SBNO2: variants seen among roughly 807,000 people sequenced by gnomAD.
SBNO2 encodes the protein protein strawberry notch homolog 2.
A neutral mutation model predicts 146.3 loss-of-function variants in SBNO2; 89 were observed. The observed-to-expected ratio is 0.61, with a 90% confidence interval of 0.51 to 0.73. The LOEUF is 0.73. SBNO2 is among the 30% of genes least tolerant of loss of function. The pLI is 0.00. For synonymous variants in SBNO2, 1,147 were observed against 892.6 expected (o/e 1.29, Z -5.08); for missense variants, 2,092 against 2,003.7 (o/e 1.04, Z -0.84).
chr19:1,133,870 G>C (rs1022002077), intron 4 of SBNO2, among the ~76,000 whole-genome samples: 23 of 152,218 alleles, frequency 1.5e-4, no homozygotes, highest in African/African-American at 5.5e-4. Context: ...TGCTGAGGAC[G>C]CGGGGCAGTG....
rs1268966248 is a variant in SBNO2 at position 1,158,884 on chromosome 19, C to T, written c.-126-4482G>A. Among the ~76,000 whole-genome samples the T allele has an allele frequency of 1.3e-5, 2 of 151,996 alleles. No homozygotes were observed. The highest frequency in any genetic ancestry group is 2.9e-5 in the Non-Finnish European group (2 of 67,984). ...CGTGATGGCCTCCTGCAGCTGTGAC[C>T]GCCGCCCCACAGCCGCGACCCCACC... is the stretch of plus-strand genomic sequence containing the variant. On this transcript the variant is annotated intron_variant, in intron 1 of 31. Transcript: ENST00000361757. This position sits in a 1 kb window ranked among gnomAD's most constrained non-coding sequence, Gnocchi z 9.9.
At chr19:1,116,200 G>T in intron 16 of SBNO2, 97 bp from the exon 17 acceptor site, 4 of 1,129,186 alleles carry the variant, frequency 3.5e-6, no homozygotes, top group East Asian at 4.8e-5. Flanking sequence ...CCCTGTGGGG[G>T]TCCCGGACAG....
rs551243734 is a variant in SBNO2, at chr19:1,160,386, C to T, written c.-126-5984G>A. ...CCCAGGCCTCGGGGGGTCTGCGGGGCGGCCTCACAGGAGGCCCAGTATTAC... is the reference window on the plus strand; with the variant it reads ...CCCAGGCCTCGGGGGGTCTGCGGGGTGGCCTCACAGGAGGCCCAGTATTAC... On this transcript the variant is annotated intron_variant, in intron 1 of 31. Coordinates refer to ENST00000361757, the MANE Select transcript of SBNO2 (RefSeq NM_014963.3). Among the ~76,000 whole-genome samples, 13 of 152,318 alleles carry T rather than the reference C, an allele frequency of 8.5e-5. No homozygotes were observed. In the South Asian group the frequency reaches 1.9e-3, roughly 22 times the overall value.
chr19:1,172,774 A>ACCC, intron 1 of SBNO2, among the ~76,000 whole-genome samples: 1 of 49,646 alleles, frequency 2.0e-5, no homozygotes, highest in Non-Finnish European at 3.2e-5. Context: ...CACTCACTGC[A>ACCC]ACCGCCCCCC....
intron 4 of SBNO2, among the ~76,000 whole-genome samples, chr19:1,139,519 G>A (rs1376250845): frequency 2.6e-5 from 4 of 152,174 alleles, no homozygotes; most frequent in Non-Finnish European, 5.9e-5. Context: ...AAGGGGCGGG[G>A]CGTGGTGGCT....
intron 1 of SBNO2, among the ~76,000 whole-genome samples, chr19:1,171,766 T>TG (rs72208617): frequency 0.017 from 2,592 of 151,902 alleles, 74 homozygotes; most frequent in African/African-American, 0.059. Context: ...AGCAAGTGGG[T>TG]GGGGGGTCTA....
At chr19:1,133,584 G>C (rs894574181) in intron 4 of SBNO2, among the ~76,000 whole-genome samples, 2 of 152,218 alleles carry the variant, frequency 1.3e-5, no homozygotes, top group African/African-American at 2.4e-5. Flanking sequence ...TCACCTCCTG[G>C]AGGCTGGGCG....
chr19:1,119,320 G>C (rs554202949), intron 13 of SBNO2, among the ~76,000 whole-genome samples, 156 bp from the exon 14 acceptor site: 2 of 152,182 alleles, frequency 1.3e-5, no homozygotes. Flanking sequence ...TGGCGGGGAC[G>C]GGGCAGGAAG....
Position 1,108,680 on chromosome 19 carries a change from A to G in SBNO2, c.3641T>C (p.Val1214Ala). The change falls in exon 32 of 32, where the codon GTG (valine) becomes GCG (alanine). Residue 1214 changes from valine (V) to alanine (A), a missense_variant. By Grantham distance (64) the Val-to-Ala change is moderately conservative (BLOSUM62 0). Transcript: ENST00000361757. ...CCGCAGCTCCTGCAGCACCCGGCGC[A>G]CGCAGCCCTCGGGGATCTTGATGCC... ...QVGIKIPEGC[V>A]RRVLQELRLM... 6.5e-7 allele frequency: 1 copy of G among 1,535,992 alleles called. No homozygotes were observed. Among genetic ancestry groups the G allele is most frequent in the Non-Finnish European group, 8.7e-7 (1 of 1,149,636 alleles).
intron 4 of SBNO2, among the ~76,000 whole-genome samples, chr19:1,129,564 G>A (rs1410747277): frequency 6.6e-6 from 1 of 152,148 alleles, no homozygotes; most frequent in Non-Finnish European, 1.5e-5. Flanking sequence ...GCCCCGATCG[G>A]CAGGGTTGGG....
At position 1,144,148 on chromosome 19, in the gene SBNO2, A is replaced by G. The variant is rs2080164686; in HGVS notation, c.279+3161T>C. On this transcript the variant is annotated intron_variant, in intron 4 of 31. Coordinates refer to ENST00000361757, the MANE Select transcript of SBNO2 (RefSeq NM_014963.3). The surrounding 1 kb of genome is among the most constrained non-coding windows in gnomAD (Gnocchi z 4.1). ...GGCTGACTCATACCCGTCCCGTCCC[A>G]CACTTGGCACCGCGGGACCACGCAT... Among the ~76,000 whole-genome samples, 2 of 152,088 alleles carry G rather than the reference A, an allele frequency of 1.3e-5. No homozygotes were observed. Among genetic ancestry groups the G allele is most frequent in the African/African-American group, 4.8e-5 (2 of 41,472 alleles).
Position 1,127,719 on chromosome 19 carries a change from G to A in SBNO2, c.326C>T (p.Ser109Leu), listed in dbSNP as rs372374062. ...GATGTCCGACAGGGAGTCCACGGAC[G>A]AGGAGAAGATGGAGATGTTGGAGAA... ...EDFSNISIFSSSVDSLSDIVD... is the reference protein window; with the variant it reads ...EDFSNISIFSLSVDSLSDIVD... Residue 109 changes from serine (S) to leucine (L), a missense_variant, in exon 5 of 32, where the codon TCG (serine) becomes TTG (leucine). Ser to Leu is a moderately radical substitution (Grantham distance 145). Transcript: ENST00000361757. 11 of 1,613,508 alleles carry A rather than the reference G, an allele frequency of 6.8e-6. No homozygotes were observed. The highest frequency in any genetic ancestry group is 1.7e-5 in the Admixed American group (1 of 59,998).
At chr19:1,151,914 C>T (rs1463612812) in intron 2 of SBNO2, among the ~76,000 whole-genome samples, 1 of 152,216 alleles carries the variant, frequency 6.6e-6, no homozygotes, top group Non-Finnish European at 1.5e-5. Flanking sequence ...GTGCCCACCT[C>T]GGCCTCCCAG....
chr19:1,127,021 A>G (rs1170726680), intron 5 of SBNO2, among the ~76,000 whole-genome samples: 1 of 152,126 alleles, frequency 6.6e-6, no homozygotes. Context: ...GCCCCCACGG[A>G]CAATGTCCAG....
At chr19:1,123,156 T>A (rs1415736245) in intron 7 of SBNO2, 111 bp from the exon 8 acceptor site, 1 of 1,274,700 alleles carries the variant, frequency 7.8e-7, no homozygotes, top group Non-Finnish European at 1.1e-6. Context: ...GCGGGGCAGT[T>A]TGGGGGCGTG....
chr19:1,123,120 G>A, intron 7 of SBNO2, 75 bp from the exon 8 acceptor site: 1 of 1,520,150 alleles, frequency 6.6e-7, no homozygotes, highest in Admixed American at 1.9e-5. Context: ...GGCACGCTGG[G>A]CGGGTCTGGG....
Position 1,113,014 on chromosome 19 carries a change from G to C in SBNO2, c.2248-65C>G. 2.7e-6 allele frequency: 4 copies of C among 1,496,930 alleles called. No individual in the cohort carries two copies. In the South Asian group the frequency reaches 5.1e-5, roughly 19 times the overall value. 92.7% of individuals were successfully genotyped at this position (1,496,930 alleles called of 1,614,324 possible). ...TGGCCTCGCAGGAGTCTGGCCACCC[G>C]TGTCTCAGCTTCCCTATGTCCTACA... On this transcript the variant is annotated intron_variant, in intron 19 of 31. Coordinates refer to ENST00000361757, the MANE Select transcript of SBNO2 (RefSeq NM_014963.3).
chr19:1,119,439 C>T (rs1275681360), intron 13 of SBNO2, 77 bp downstream of exon 13: 3 of 1,185,804 alleles, frequency 2.5e-6, no homozygotes, highest in African/African-American at 1.5e-5. Flanking sequence ...GTGGCAGTGC[C>T]AGGCCTTGGG....
rs1403945240 is a variant in SBNO2 at position 1,149,376 on chromosome 19, C to G, written c.160G>C (p.Asp54His). The G allele has an allele frequency of 3.2e-6, 5 of 1,552,032 alleles. No homozygotes were observed. Among genetic ancestry groups the G allele is most frequent in the African/African-American group, 1.4e-5 (1 of 73,110 alleles). Reference protein sequence around the residue: ...SLPPYPAFSSDSRPFMSSASF... With the variant: ...SLPPYPAFSSHSRPFMSSASF... ...GAGGGTCCCGGTACTCACCGGCTGTCGCTGGAGAAGGCAGGGTATGGCGGC... is the reference window on the plus strand; with the variant it reads ...GAGGGTCCCGGTACTCACCGGCTGTGGCTGGAGAAGGCAGGGTATGGCGGC... The change falls in exon 3 of 32, where the codon GAC becomes CAC. Residue 54 changes from aspartate (D) to histidine (H), a missense_variant. Transcript: ENST00000361757.
Sources: gnomAD v4.1 joint callset for allele counts (sites outside exome capture counted in the v4.1 genomes callset) on GRCh38, gnomAD v4.1.1 for gene constraint, Gnocchi (gnomAD v3.1) non-coding constraint, MANE v1.5 for transcripts, NCBI Gene and HGNC (gene_info 2026-07-23, HGNC 2026-07-21) for gene names.